The following EHMT1 variants were observed in gnomAD, a reference collection of about 807,000 sequenced individuals.
EHMT1 encodes euchromatic histone lysine methyltransferase 1.
EHMT1 carries 15 observed loss-of-function variants against 147.2 expected under a neutral mutation model. The ratio of observed to expected loss-of-function variants is 0.10; its 90% confidence interval spans 0.07 to 0.16. EHMT1 has a LOEUF of 0.16. Ranked by LOEUF, EHMT1 falls within the 10% of genes least tolerant of loss-of-function variation. The probability of loss-of-function intolerance (pLI) is 1.00; values close to 1 mark genes in which losing one functional copy is unlikely to be tolerated. For missense variants in EHMT1, 1,587 were observed against 1,772.4 expected (o/e 0.90, Z 1.88); for synonymous variants, 795 against 709.6 (o/e 1.12, Z -1.91).
chr9:137,748,649 A>G (rs1948741818), intron 6 of EHMT1, among the ~76,000 whole-genome samples: 1 of 152,252 alleles, frequency 6.6e-6, no homozygotes, highest in Non-Finnish European at 1.5e-5. Context: ...TCCAACGAGC[A>G]GATAGTGGCA....
intron 14 of EHMT1, among the ~76,000 whole-genome samples, chr9:137,781,378 G>T (rs867040040): frequency 6.8e-6 from 1 of 147,970 alleles, no homozygotes; most frequent in African/African-American, 2.6e-5. Context: ...ATGACGCTGG[G>T]ATGTGTGGTG....
intron 6 of EHMT1, chr9:137,745,889 T>C (rs1948505500): frequency 9.1e-6 from 2 of 219,068 alleles, no homozygotes; most frequent in African/African-American, 4.6e-5. Context: ...GGCTGCCTTC[T>C]TGGAGTCCAG....
At chr9:137,717,699 T>C (rs150316595) in intron 3 of EHMT1, among the ~76,000 whole-genome samples, 16 of 152,154 alleles carry the variant, frequency 1.1e-4, no homozygotes, top group African/African-American at 3.9e-4. Flanking sequence ...TTCCTTCTTG[T>C]GCTTTCTCTT....
chr9:137,826,572 C>A (rs1184574536), intron 25 of EHMT1, among the ~76,000 whole-genome samples: 1 of 152,238 alleles, frequency 6.6e-6, no homozygotes, highest in South Asian at 2.1e-4. Context: ...AGTCCAAGGT[C>A]AAGGCACCTA....
chr9:137,712,768 A>C (rs900619053), intron 2 of EHMT1, among the ~76,000 whole-genome samples: 5 of 151,998 alleles, frequency 3.3e-5, no homozygotes, highest in African/African-American at 1.2e-4. Context: ...AATGTTTTCA[A>C]TTTTGATGAA....
chr9:137,834,098 G>A (rs1956421728), intron 25 of EHMT1: 5 of 581,942 alleles, frequency 8.6e-6, no homozygotes, highest in Non-Finnish European at 1.5e-5. Flanking sequence ...GGAACGGCCC[G>A]CACCACCCCC....
chr9:137,774,673 C>A (rs1351915432), intron 10 of EHMT1, among the ~76,000 whole-genome samples: 1 of 140,654 alleles, frequency 7.1e-6, no homozygotes, highest in Non-Finnish European at 1.5e-5. Context: ...TCGCGCCTGG[C>A]CCCCTGGATC....
chr9:137,810,474 T>G (rs1225971313), intron 18 of EHMT1, among the ~76,000 whole-genome samples: 1 of 152,234 alleles, frequency 6.6e-6, no homozygotes, highest in Non-Finnish European at 1.5e-5. Context: ...ATTGTTCTGA[T>G]TTATATTCTT....
At chr9:137,802,645 A>C (rs1588795025) in intron 18 of EHMT1, 1 of 430,298 alleles carries the variant, frequency 2.3e-6, no homozygotes, top group Non-Finnish European at 3.9e-6. Flanking sequence ...TGCATTTGGA[A>C]CCCCTCGCTG....
At chr9:137,679,747 A>G (rs1340453128) in intron 1 of EHMT1, among the ~76,000 whole-genome samples, 1 of 152,190 alleles carries the variant, frequency 6.6e-6, no homozygotes, top group Non-Finnish European at 1.5e-5. Flanking sequence ...TCTGTGTTTT[A>G]AAGTTTATTT....
chr9:137,706,135 C>A (rs941020116), intron 1 of EHMT1, among the ~76,000 whole-genome samples: 1 of 152,030 alleles, frequency 6.6e-6, no homozygotes, highest in East Asian at 1.9e-4. Flanking sequence ...CATGGCAGGG[C>A]AGGGCATGCA....
chr9:137,820,050 G>C (rs1481996979), intron 25 of EHMT1: 1 of 152,196 alleles, frequency 6.6e-6, no homozygotes, highest in Non-Finnish European at 1.5e-5. Flanking sequence ...GCAGCCACCA[G>C]ACCACGGAAT....
At chr9:137,657,835 G>A (rs1938633738) in intron 1 of EHMT1, among the ~76,000 whole-genome samples, 1 of 148,202 alleles carries the variant, frequency 6.7e-6, no homozygotes, top group Non-Finnish European at 1.5e-5. Context: ...CCCAGCCTCT[G>A]CAAACCATCC....
intron 8 of EHMT1, among the ~76,000 whole-genome samples, chr9:137,756,958 T>A (rs1588547594): frequency 6.6e-6 from 1 of 152,380 alleles, no homozygotes; most frequent in East Asian, 1.9e-4. Flanking sequence ...CATACCTCTC[T>A]GTGCTAGTGT....
intron 2 of EHMT1, among the ~76,000 whole-genome samples, chr9:137,712,342 T>C (rs891014283): frequency 6.6e-6 from 1 of 152,228 alleles, no homozygotes. Context: ...ACACTGCCGC[T>C]GAGCCACGGC....
chr9:137,736,033 G>T (rs1469687963), intron 4 of EHMT1, among the ~76,000 whole-genome samples: 1 of 152,116 alleles, frequency 6.6e-6, no homozygotes, highest in East Asian at 1.9e-4. Flanking sequence ...AAAAACAGAT[G>T]ATCCTACTAC....
chr9:137,768,349 T>TG (rs1950349951), intron 10 of EHMT1, among the ~76,000 whole-genome samples: 2 of 136,408 alleles, frequency 1.5e-5, no homozygotes, highest in African/African-American at 2.6e-5. Context: ...TTCTGTGTGT[T>TG]TTTTTTTTTT....
At chr9:137,762,486 G>C (rs1472550852) in intron 9 of EHMT1, among the ~76,000 whole-genome samples, 189 bp from the exon 10 acceptor site, 2 of 152,178 alleles carry the variant, frequency 1.3e-5, no homozygotes, top group African/African-American at 4.8e-5. Context: ...GGAGGCACAG[G>C]CCACCCCTTC....
At chr9:137,744,185 T>G in intron 6 of EHMT1, 95 bp downstream of exon 6, 1 of 1,318,328 alleles carries the variant, frequency 7.6e-7, no homozygotes, top group South Asian at 1.2e-5. Context: ...TTCTAGACCC[T>G]GATAAAATCC....
Sources: gnomAD v4.1 joint callset for allele counts (sites outside exome capture counted in the v4.1 genomes callset) on GRCh38, gnomAD v4.1.1 for gene constraint, MANE v1.5 for transcripts, NCBI Gene and HGNC (gene_info 2026-07-23, HGNC 2026-07-21) for gene names.